The following ARK2N variants were observed in gnomAD, a reference collection of about 807,000 sequenced individuals.
ARK2N encodes the protein arkadia (RNF111) N-terminal like PKA signaling regulator 2N, also known as protein ARK2N.
the ARK2N span, among the ~76,000 whole-genome samples, chr18:46,245,806 C>T: frequency 2.6e-5 from 4 of 152,092 alleles, no homozygotes; most frequent in Admixed American, 6.6e-5. Flanking sequence ...CAGAAAGAAA[C>T]TGTTTTCCAT....
chr18:46,264,344 T>C, the ARK2N span: 1 of 152,680 alleles, frequency 6.5e-6, no homozygotes, highest in Non-Finnish European at 1.5e-5. Context: ...TAGTGAATTC[T>C]TTTAAAAGCA....
the ARK2N span, among the ~76,000 whole-genome samples, chr18:46,244,322 G>C: frequency 6.6e-6 from 1 of 152,088 alleles, no homozygotes; most frequent in Admixed American, 6.5e-5. Flanking sequence ...TTTTCCCTGG[G>C]AAGTTAAAAC....
the ARK2N span, among the ~76,000 whole-genome samples, chr18:46,181,724 C>A: frequency 1.3e-5 from 2 of 151,788 alleles, no homozygotes; most frequent in Non-Finnish European, 2.9e-5. Context: ...CAAAAAAAAA[C>A]AAAAAACTAG....
the ARK2N span, among the ~76,000 whole-genome samples, chr18:46,191,856 A>G: frequency 6.6e-6 from 1 of 152,030 alleles, no homozygotes. Flanking sequence ...GCAACCATTG[A>G]TCTGTTGTCT....
At chr18:46,186,751 G>A in the ARK2N span, among the ~76,000 whole-genome samples, 7 of 151,494 alleles carry the variant, frequency 4.6e-5, no homozygotes, top group Non-Finnish European at 7.4e-5. Context: ...CTCGTGATCC[G>A]CCCACCTCGG....
the ARK2N span, among the ~76,000 whole-genome samples, chr18:46,259,771 A>AGTGT: frequency 4.9e-5 from 1 of 20,548 alleles, no homozygotes; most frequent in South Asian, 2.5e-3. Flanking sequence ...CCACCCAGCT[A>AGTGT]CTGTGTGTGT....
chr18:46,210,910 TAAAA>T, the ARK2N span, among the ~76,000 whole-genome samples: 3 of 133,792 alleles, frequency 2.2e-5, no homozygotes, highest in East Asian at 4.2e-4. Flanking sequence ...GACCCTGTCT[TAAAA>T]AAAAAAAAAA....
At chr18:46,258,115 G>A in the ARK2N span, among the ~76,000 whole-genome samples, 4 of 152,076 alleles carry the variant, frequency 2.6e-5, no homozygotes, top group African/African-American at 9.7e-5. Flanking sequence ...TAGTAGAGAT[G>A]GGGTTTCACC....
the ARK2N span, among the ~76,000 whole-genome samples, chr18:46,184,032 C>T: frequency 1.4e-4 from 21 of 151,794 alleles, no homozygotes; most frequent in Admixed American, 9.8e-4. Context: ...ACAGTGTCAC[C>T]CGGGCTGGTG....
chr18:46,225,026 G>C, the ARK2N span, among the ~76,000 whole-genome samples: 1 of 152,240 alleles, frequency 6.6e-6, no homozygotes, highest in South Asian at 2.1e-4. Context: ...ACAGGCAGTG[G>C]CCTAGAAGAG....
At chr18:46,189,336 G>T in the ARK2N span, among the ~76,000 whole-genome samples, 2 of 151,922 alleles carry the variant, frequency 1.3e-5, no homozygotes, top group Non-Finnish European at 2.9e-5. Context: ...AAATGTAGAT[G>T]TGCTTTTATT....
chr18:46,216,360 C>T, the ARK2N span: 1 of 1,613,846 alleles, frequency 6.2e-7, no homozygotes, highest in Non-Finnish European at 8.5e-7. The surrounding 1 kb of genome is among the most constrained non-coding windows in gnomAD (Gnocchi z 4.3). Flanking sequence ...ACCGGCAATC[C>T]AGTGATAAAC....
chr18:46,183,780 A>T, the ARK2N span, among the ~76,000 whole-genome samples: 2 of 152,090 alleles, frequency 1.3e-5, no homozygotes, highest in Admixed American at 6.6e-5. Flanking sequence ...AACTGACTCA[A>T]AATCCCAGCA....
At chr18:46,225,354 C>T in the ARK2N span, among the ~76,000 whole-genome samples, 1 of 152,212 alleles carries the variant, frequency 6.6e-6, no homozygotes, top group East Asian at 1.9e-4. Flanking sequence ...GGAAATATTA[C>T]AGAACAACCT....
chr18:46,242,415 G>T, the ARK2N span, among the ~76,000 whole-genome samples: 46 of 152,242 alleles, frequency 3.0e-4, no homozygotes, highest in African/African-American at 1.1e-3. Context: ...TATCATTAAA[G>T]TTTAGCTTTT....
chr18:46,263,371 A>G, the ARK2N span: 3 of 311,824 alleles, frequency 9.6e-6, no homozygotes, highest in South Asian at 3.3e-4. Context: ...TTATTAGACA[A>G]CTTTATTTTA....
chr18:46,206,949 A>AT, the ARK2N span, among the ~76,000 whole-genome samples: 1 of 151,724 alleles, frequency 6.6e-6, no homozygotes, highest in Non-Finnish European at 1.5e-5. Context: ...CTAATTTTTA[A>AT]TTTTTTTGTA....
the ARK2N span, among the ~76,000 whole-genome samples, chr18:46,256,427 A>G: frequency 6.6e-6 from 1 of 151,374 alleles, no homozygotes; most frequent in African/African-American, 2.4e-5. Context: ...TTAAAAAAAA[A>G]TATTTTTGTA....
At chr18:46,202,348 C>T in the ARK2N span, among the ~76,000 whole-genome samples, 1 of 152,066 alleles carries the variant, frequency 6.6e-6, no homozygotes, top group Admixed American at 6.5e-5. Flanking sequence ...CTACTAGCAC[C>T]CATGTACTTG....
Sources: gnomAD v4.1 joint callset for allele counts (sites outside exome capture counted in the v4.1 genomes callset) on GRCh38, gnomAD v4.1.1 for gene constraint, Gnocchi (gnomAD v3.1) non-coding constraint, MANE v1.5 for transcripts, NCBI Gene and HGNC (gene_info 2026-07-23, HGNC 2026-07-21) for gene names.